FRMD4B: variants seen among roughly 807,000 people sequenced by gnomAD.
FRMD4B encodes the protein FERM domain-containing protein 4B.
Under a neutral mutation model 141.5 loss-of-function variants are expected in FRMD4B, and 74 were observed. The ratio of observed to expected loss-of-function variants is 0.52; its 90% CI spans 0.43 to 0.63. The LOEUF is 0.63. FRMD4B is among the 30% of genes least tolerant of loss of function. The pLI is 0.00. For missense variants in FRMD4B, 1,366 were observed against 1,253.4 expected (o/e 1.09, Z -1.36); for synonymous variants, 506 against 467.9 (o/e 1.08, Z -1.05).
chr3:69,263,117 C>T (rs1023550265), intron 5 of FRMD4B, among the ~76,000 whole-genome samples: 24 of 151,984 alleles, frequency 1.6e-4, no homozygotes, highest in African/African-American at 5.6e-4. Flanking sequence ...ATTAGCCAGG[C>T]ATGGTGGCAG....
chr3:69,325,970 A>G (rs1475928628), intron 1 of FRMD4B, among the ~76,000 whole-genome samples: 1 of 141,890 alleles, frequency 7.0e-6, no homozygotes, highest in African/African-American at 2.7e-5. Context: ...GATTATTATT[A>G]TTTGAGACAA....
intron 1 of FRMD4B, among the ~76,000 whole-genome samples, chr3:69,335,438 T>A (rs1392166832): frequency 6.7e-6 from 1 of 148,858 alleles, no homozygotes; most frequent in East Asian, 2.0e-4. Context: ...AGTGGCACGA[T>A]CTTGGCTCAC....
intron 1 of FRMD4B, among the ~76,000 whole-genome samples, chr3:69,453,143 C>A (rs189852697): frequency 1.2e-4 from 18 of 152,292 alleles, no homozygotes; most frequent in Non-Finnish European, 1.9e-4. Context: ...CACAGGCAGT[C>A]AGGTGGGCTT....
intron 1 of FRMD4B, among the ~76,000 whole-genome samples, chr3:69,482,344 G>T (rs1473153026): frequency 2.6e-5 from 4 of 152,152 alleles, no homozygotes; most frequent in Admixed American, 2.6e-4. Flanking sequence ...AGTAAACTAA[G>T]TTGGGAATTA....
intron 1 of FRMD4B, among the ~76,000 whole-genome samples, chr3:69,324,165 T>A (rs895394926): frequency 2.0e-5 from 3 of 152,206 alleles, no homozygotes; most frequent in Non-Finnish European, 4.4e-5. Context: ...TCTCCACCTG[T>A]TGGGATGCTT....
intron 1 of FRMD4B, among the ~76,000 whole-genome samples, chr3:69,341,770 T>C (rs543963805): frequency 6.6e-6 from 1 of 152,374 alleles, no homozygotes; most frequent in East Asian, 1.9e-4. Flanking sequence ...ATAGGCTTCA[T>C]GCAGCATTTG....
chr3:69,306,233 A>C (rs1701387818), intron 3 of FRMD4B, among the ~76,000 whole-genome samples: 1 of 152,186 alleles, frequency 6.6e-6, no homozygotes, highest in African/African-American at 2.4e-5. Flanking sequence ...CCATCAGCAA[A>C]TATAATAGAT....
At chr3:69,509,422 AG>A (rs1706653283) in intron 1 of FRMD4B, among the ~76,000 whole-genome samples, 1 of 152,208 alleles carries the variant, frequency 6.6e-6, no homozygotes, top group Admixed American at 6.5e-5. Context: ...ATGGTCATCT[AG>A]TTAGGGGCAC....
chr3:69,487,419 A>T (rs995948120), intron 1 of FRMD4B, among the ~76,000 whole-genome samples: 25 of 152,220 alleles, frequency 1.6e-4, no homozygotes, highest in African/African-American at 6.0e-4. Flanking sequence ...GGCAAGGAAG[A>T]TTTGGGGGTC....
chr3:69,225,474 G>A (rs2093241714), intron 7 of FRMD4B, among the ~76,000 whole-genome samples: 1 of 129,326 alleles, frequency 7.7e-6, no homozygotes, highest in Non-Finnish European at 1.5e-5. Context: ...AGGAGATTGA[G>A]ACCATCCTGG....
At chr3:69,476,108 T>C (rs1705992346) in intron 1 of FRMD4B, among the ~76,000 whole-genome samples, 1 of 150,924 alleles carries the variant, frequency 6.6e-6, no homozygotes. Flanking sequence ...TATTAGCCCT[T>C]TGTCAGATGA....
chr3:69,458,684 C>A (rs1020557794), intron 1 of FRMD4B, among the ~76,000 whole-genome samples: 1 of 152,028 alleles, frequency 6.6e-6, no homozygotes. Flanking sequence ...GTATTAATTA[C>A]TGAGAAGACC....
intron 1 of FRMD4B, among the ~76,000 whole-genome samples, chr3:69,349,917 A>G (rs975558487): frequency 6.6e-6 from 1 of 152,194 alleles, no homozygotes. Flanking sequence ...GGCATGGGCA[A>G]GGACTTCATG....
At chr3:69,375,957 T>C (rs1243443399) in intron 1 of FRMD4B, among the ~76,000 whole-genome samples, 4 of 152,154 alleles carry the variant, frequency 2.6e-5, no homozygotes, top group Non-Finnish European at 5.9e-5. Context: ...CTTATGTCTA[T>C]CAACAAGAGA....
chr3:69,222,404 T>G (rs539429699), intron 8 of FRMD4B, among the ~76,000 whole-genome samples: 1 of 130,706 alleles, frequency 7.7e-6, no homozygotes, highest in African/African-American at 3.0e-5. Context: ...GAGGTGGAGA[T>G]AGCAGTGAGC....
intron 1 of FRMD4B, among the ~76,000 whole-genome samples, chr3:69,487,360 T>C (rs1706232006): frequency 3.3e-5 from 5 of 152,216 alleles, no homozygotes; most frequent in Admixed American, 3.3e-4. Context: ...AAGGATCAGA[T>C]ACATAAGGAT....
chr3:69,473,364 G>A (rs1218619913), intron 1 of FRMD4B, among the ~76,000 whole-genome samples: 2 of 152,078 alleles, frequency 1.3e-5, no homozygotes, highest in Non-Finnish European at 2.9e-5. Flanking sequence ...CAGTTACAGG[G>A]TTAGAATAAA....
intron 5 of FRMD4B, among the ~76,000 whole-genome samples, chr3:69,269,801 G>T (rs4855303): frequency 0.68 from 102,724 of 151,922 alleles, 35,664 homozygotes; most frequent in Non-Finnish European, 0.77. Flanking sequence ...TGTATTTTTA[G>T]TAGAGACAGG....
chr3:69,213,636 G>C (rs1040496770), intron 11 of FRMD4B, among the ~76,000 whole-genome samples: 1 of 147,666 alleles, frequency 6.8e-6, no homozygotes, highest in Non-Finnish European at 1.5e-5. Flanking sequence ...ACTGCTTGTT[G>C]AATGATGCGC....
Sources: allele counts gnomAD v4.1 joint callset (sites outside exome capture counted in the v4.1 genomes callset), GRCh38; gene constraint gnomAD v4.1.1; transcripts MANE v1.5; gene names NCBI Gene and HGNC (gene_info 2026-07-23, HGNC 2026-07-21).